Variants in EVI5 observed in about 807,000 individuals in gnomAD.
EVI5 encodes the protein ecotropic viral integration site 5, also known as ecotropic viral integration site 5 protein homolog.
Under a neutral mutation model 112.0 loss-of-function variants are expected in EVI5, and 73 were observed. The observed-to-expected ratio is 0.65, with a 90% confidence interval of 0.54 to 0.79. The LOEUF (loss-of-function observed/expected upper bound fraction) is 0.79. Among genes scored for constraint, EVI5 ranks in the 30% least tolerant of loss-of-function variants. The pLI is 0.00. For missense variants in EVI5, 900 were observed against 968.8 expected, an observed-to-expected ratio of 0.93 and a Z score of 0.94; for synonymous variants, 305 against 319.9, an observed-to-expected ratio of 0.95 and a Z score of 0.50.
intron 19 of EVI5, among the ~76,000 whole-genome samples, chr1:92,534,276 A>G (rs1205431432): frequency 1.3e-5 from 2 of 152,224 alleles, no homozygotes; most frequent in African/African-American, 2.4e-5. Flanking sequence ...CAAGGAAATA[A>G]GAGAGGACAC....
intron 2 of EVI5, among the ~76,000 whole-genome samples, chr1:92,708,529 T>C (rs1672348142): frequency 6.6e-6 from 1 of 152,120 alleles, no homozygotes; most frequent in African/African-American, 2.4e-5. Context: ...CTTGTGGGAA[T>C]GTAAAATGGT....
upstream of EVI5, among the ~76,000 whole-genome samples, chr1:92,786,340 C>T (rs946443886): frequency 4.0e-4 from 60 of 150,944 alleles, 1 homozygote; most frequent in Admixed American, 4.0e-3. Flanking sequence ...ACTTTGAAAA[C>T]TTGAACTTTT....
At chr1:92,517,884 G>GTT in intron 19 of EVI5, among the ~76,000 whole-genome samples, 1 of 132,452 alleles carries the variant, frequency 7.5e-6, no homozygotes, top group African/African-American at 2.9e-5. Flanking sequence ...AATATTATAT[G>GTT]CTTTTTTTTT....
intron 18 of EVI5, among the ~76,000 whole-genome samples, chr1:92,574,625 G>C (rs1345570321): frequency 1.3e-5 from 2 of 152,048 alleles, no homozygotes; most frequent in Non-Finnish European, 2.9e-5. Context: ...AAAAGAAGTG[G>C]ATCTCAAGCA....
chr1:92,555,317 T>C (rs1452007024), intron 19 of EVI5, among the ~76,000 whole-genome samples: 3 of 152,234 alleles, frequency 2.0e-5, no homozygotes, highest in Non-Finnish European at 4.4e-5. Flanking sequence ...TGTAACTCCA[T>C]ACACTGAAGT....
Position 92,686,299 on chromosome 1 carries a change from CAT to C in EVI5, c.1097+7501_1097+7502del, listed in dbSNP as rs548235622. Reference sequence around the variant, plus strand: ...TAAACAGAACCAACGACAAAAACCACATGATTATCTCAATAGATGCAGAAAAG... The same window carrying C: ...TAAACAGAACCAACGACAAAAACCACGATTATCTCAATAGATGCAGAAAAG... On this transcript the variant is annotated intron_variant, in intron 9 of 19. Transcript: ENST00000684568. Among the ~76,000 whole-genome samples the C allele has an allele frequency of 2.5e-3, 379 of 152,342 alleles. 1 individual carries two copies. The highest frequency in any genetic ancestry group is 4.9e-3 in the Non-Finnish European group (331 of 68,036).
chr1:92,587,388 C>CA (rs35229896), intron 18 of EVI5, among the ~76,000 whole-genome samples: 92 of 124,246 alleles, frequency 7.4e-4, no homozygotes, highest in Admixed American at 1.7e-3. Flanking sequence ...GCTTCAGGGG[C>CA]AAAAAAAAAA....
rs191522357 is a variant in EVI5 at position 92,772,402 on chromosome 1, C to T, written c.-82+12434G>A. Among the ~76,000 whole-genome samples, 3 of 151,440 alleles carry T rather than the reference C, an allele frequency of 2.0e-5. No individual in the cohort carries two copies. The East Asian group carries it at 6.0e-4, about 30-fold the overall frequency. On this transcript the variant is annotated intron_variant, in intron 1 of 19. Coordinates refer to ENST00000684568, the MANE Select transcript of EVI5 (RefSeq NM_001350197.2). The stretch of plus-strand genomic sequence containing the variant: ...ACGAGGTCAGGAGATCAAGACCATC[C>T]TGGCTAACACAGTGAAACCCTGATT...
At chr1:92,589,563 G>A (rs1022815836) in intron 18 of EVI5, among the ~76,000 whole-genome samples, 2 of 152,184 alleles carry the variant, frequency 1.3e-5, no homozygotes, top group East Asian at 3.9e-4. Context: ...CAGCGAGGCT[G>A]GGGGAGGGGC....
At chr1:92,515,576 A>G (rs973498953) in intron 19 of EVI5, among the ~76,000 whole-genome samples, 4 of 152,222 alleles carry the variant, frequency 2.6e-5, no homozygotes, top group South Asian at 4.1e-4. Context: ...TAGCTACCAA[A>G]TATCTACTCT....
chr1:92,559,122 T>C (rs75710868), intron 19 of EVI5, among the ~76,000 whole-genome samples: 1,774 of 152,308 alleles, frequency 0.012, 43 homozygotes, highest in African/African-American at 0.04. Flanking sequence ...AGATAACTTA[T>C]AATACCTAAT....
intron 1 of EVI5, among the ~76,000 whole-genome samples, chr1:92,776,186 G>GA (rs1209057776): frequency 6.6e-6 from 1 of 151,420 alleles, no homozygotes; most frequent in Non-Finnish European, 1.5e-5. Flanking sequence ...ATATTAGAAG[G>GA]AAAAAATCTA....
At chr1:92,678,916 G>T (rs1184469928) in intron 9 of EVI5, among the ~76,000 whole-genome samples, 1 of 152,144 alleles carries the variant, frequency 6.6e-6, no homozygotes, top group Non-Finnish European at 1.5e-5. Flanking sequence ...CTTCTGTATA[G>T]TCACAGATTT....
chr1:92,701,543 C>A (rs760614727), intron 5 of EVI5, among the ~76,000 whole-genome samples: 48 of 152,192 alleles, frequency 3.2e-4, no homozygotes, highest in Admixed American at 1.0e-3. Flanking sequence ...CTTAACATTT[C>A]AACAAAGCTG....
intron 16 of EVI5, 23 bp from the exon 17 acceptor site, chr1:92,607,750 C>T: frequency 6.5e-7 from 1 of 1,539,334 alleles, no homozygotes; most frequent in Non-Finnish European, 8.8e-7. Flanking sequence ...AATATAAATA[C>T]TGAGACTATA....
intron 18 of EVI5, among the ~76,000 whole-genome samples, chr1:92,566,249 G>A (rs1204385095): frequency 1.3e-5 from 2 of 152,122 alleles, no homozygotes; most frequent in Non-Finnish European, 2.9e-5. Flanking sequence ...AGATATAAAA[G>A]CCCAACTACA....
Position 92,530,972 on chromosome 1 carries a change from G to T in EVI5, c.2167-17002C>A, listed in dbSNP as rs1162195250. On this transcript the variant is annotated intron_variant, in intron 19 of 19. Coordinates refer to ENST00000684568, the MANE Select transcript of EVI5 (RefSeq NM_001350197.2). Reference sequence around the variant, plus strand: ...GACAGAAGTAGGCTTCAGAAAGTGGGTAATAACAAACTCCTCTGCACTAAA... The same window carrying T: ...GACAGAAGTAGGCTTCAGAAAGTGGTTAATAACAAACTCCTCTGCACTAAA... Among the ~76,000 whole-genome samples, 22 of 151,886 alleles carry T rather than the reference G, an allele frequency of 1.4e-4. 1 individual carries two copies. Among genetic ancestry groups the T allele is most frequent in the Admixed American group, 1.4e-3 (22 of 15,244 alleles).
chr1:92,597,659 T>G (rs1360930888), intron 18 of EVI5, among the ~76,000 whole-genome samples: 1 of 152,224 alleles, frequency 6.6e-6, no homozygotes. Context: ...CATCAGAAGA[T>G]GAATGAATTA....
intron 10 of EVI5, among the ~76,000 whole-genome samples, chr1:92,668,725 A>G (rs532574696): frequency 2.8e-4 from 43 of 152,338 alleles, no homozygotes; most frequent in African/African-American, 8.2e-4. Flanking sequence ...TTACATCAGG[A>G]ATTGATCAAT....
Sources: allele counts gnomAD v4.1 joint callset (sites outside exome capture counted in the v4.1 genomes callset), GRCh38; gene constraint gnomAD v4.1.1; transcripts MANE v1.5; gene names NCBI Gene and HGNC (gene_info 2026-07-23, HGNC 2026-07-21).